Variants in CNTNAP2 observed in about 807,000 individuals in gnomAD.
CNTNAP2 encodes the protein contactin associated protein 2.
A neutral mutation model predicts 155.2 loss-of-function variants in CNTNAP2; 98 were observed. The ratio of observed to expected loss-of-function variants is 0.63; its 90% CI spans 0.54 to 0.75. The LOEUF (loss-of-function observed/expected upper bound fraction) is 0.75. CNTNAP2 is among the 30% of genes least tolerant of loss of function. The pLI, the probability that CNTNAP2 is intolerant of heterozygous loss-of-function variation, is 0.00. For missense variants in CNTNAP2, 1,727 were observed against 1,688.1 expected, an observed-to-expected ratio of 1.02 and a Z score of -0.40; for synonymous variants, 651 against 631.2, an observed-to-expected ratio of 1.03 and a Z score of -0.47.
intron 1 of CNTNAP2, among the ~76,000 whole-genome samples, chr7:146,481,935 A>T (rs1016078017): frequency 1.3e-5 from 2 of 152,196 alleles, no homozygotes; most frequent in Non-Finnish European, 2.9e-5. Flanking sequence ...GTGCCCTCAG[A>T]AGCCTGTCTA....
intron 2 of CNTNAP2, among the ~76,000 whole-genome samples, chr7:146,797,584 G>A (rs1802794455): frequency 6.6e-6 from 1 of 152,288 alleles, no homozygotes; most frequent in African/African-American, 2.4e-5. Context: ...ATGGATTTAA[G>A]TAAAGCAGGG....
intron 1 of CNTNAP2, among the ~76,000 whole-genome samples, chr7:146,588,485 A>G (rs1239461317): frequency 1.3e-5 from 2 of 150,918 alleles, no homozygotes; most frequent in Non-Finnish European, 2.9e-5. Flanking sequence ...AACAAAATAT[A>G]CCACAGGTGT....
chr7:147,017,680 T>C (rs1798748410), intron 3 of CNTNAP2, among the ~76,000 whole-genome samples: 1 of 151,966 alleles, frequency 6.6e-6, no homozygotes, highest in African/African-American at 2.4e-5. Context: ...ACTAAACAAC[T>C]CTTTTTACAA....
Position 148,247,663 on chromosome 7 carries a change from ATTTT to A in CNTNAP2, c.3381+17888_3381+17891del, listed in dbSNP as rs1554407444. On this transcript the variant is annotated intron_variant, in intron 20 of 23. Coordinates refer to ENST00000361727, the MANE Select transcript of CNTNAP2 (RefSeq NM_014141.6). The stretch of plus-strand genomic sequence containing the variant: ...TATTTATTTATTTATTTATTTATTT[ATTTT>A]TTTGGAGATAGAGTCCCACTCTGTC... Among the ~76,000 whole-genome samples, 11 of 105,326 alleles carry A rather than the reference ATTTT, an allele frequency of 1.0e-4. No individual in the cohort carries two copies. The East Asian group carries it at 1.2e-3, about 11-fold the overall frequency. 69.1% of individuals were successfully genotyped at this position (105,326 alleles called of 152,430 possible). A position where few individuals can be genotyped will look rare whatever the true frequency, so the allele number is the denominator to read the frequency against.
At chr7:146,348,096 T>C (rs1794844934) in intron 1 of CNTNAP2, among the ~76,000 whole-genome samples, 1 of 152,108 alleles carries the variant, frequency 6.6e-6, no homozygotes, top group African/African-American at 2.4e-5. Context: ...CACTCTATGA[T>C]ATTATTTTTC....
At chr7:147,247,133 T>C (rs553944946) in intron 8 of CNTNAP2, among the ~76,000 whole-genome samples, 2 of 152,310 alleles carry the variant, frequency 1.3e-5, no homozygotes, top group East Asian at 3.9e-4. Flanking sequence ...ATAATCCAGC[T>C]AGGACATATT....
intron 22 of CNTNAP2, among the ~76,000 whole-genome samples, chr7:148,403,373 T>C (rs1431515534): frequency 6.6e-6 from 1 of 152,114 alleles, no homozygotes; most frequent in East Asian, 1.9e-4. Context: ...CAGACTGGAA[T>C]GGCACCATGC....
intron 1 of CNTNAP2, among the ~76,000 whole-genome samples, chr7:146,387,015 C>T (rs898492419): frequency 1.3e-5 from 2 of 152,142 alleles, no homozygotes; most frequent in African/African-American, 2.4e-5. Flanking sequence ...AAGACACTCT[C>T]ACCCAAAACA....
intron 9 of CNTNAP2, among the ~76,000 whole-genome samples, chr7:147,304,109 A>G (rs1025752076): frequency 8.5e-5 from 13 of 152,164 alleles, no homozygotes; most frequent in African/African-American, 2.6e-4. Context: ...CCAGTGTGCA[A>G]TTTTATCTCT....
At chr7:146,184,899 A>T (rs1366803964) in intron 1 of CNTNAP2, among the ~76,000 whole-genome samples, 2 of 152,144 alleles carry the variant, frequency 1.3e-5, no homozygotes, top group Non-Finnish European at 2.9e-5. Context: ...AAAGTGCTAC[A>T]TTATTTTCTA....
At chr7:146,403,376 T>G (rs1335872875) in intron 1 of CNTNAP2, among the ~76,000 whole-genome samples, 2 of 152,262 alleles carry the variant, frequency 1.3e-5, no homozygotes, top group East Asian at 1.9e-4. Flanking sequence ...TTTATTACAA[T>G]TATGAGACTT....
chr7:147,250,916 C>A (rs942402007), intron 8 of CNTNAP2, among the ~76,000 whole-genome samples: 1 of 152,144 alleles, frequency 6.6e-6, no homozygotes, highest in Non-Finnish European at 1.5e-5. Context: ...CTCATGTTTT[C>A]TCTTGAGCTT....
intron 1 of CNTNAP2, among the ~76,000 whole-genome samples, chr7:146,489,354 C>T (rs1797105293): frequency 6.6e-6 from 1 of 152,044 alleles, no homozygotes; most frequent in Non-Finnish European, 1.5e-5. Context: ...TTGCAAAAAG[C>T]TAATTTAGTT....
At chr7:146,909,018 C>G (rs1045703920) in intron 3 of CNTNAP2, among the ~76,000 whole-genome samples, 1 of 150,778 alleles carries the variant, frequency 6.6e-6, no homozygotes, top group Non-Finnish European at 1.5e-5. Context: ...GAGAATACTA[C>G]AAACACCTCT....
intron 13 of CNTNAP2, among the ~76,000 whole-genome samples, chr7:147,879,913 C>G (rs1351329147): frequency 6.6e-6 from 1 of 152,182 alleles, no homozygotes; most frequent in Non-Finnish European, 1.5e-5. Flanking sequence ...CTTTCCCTAA[C>G]TGTGTATTTC....
At chr7:148,376,018 A>G (rs1798977797) in intron 21 of CNTNAP2, among the ~76,000 whole-genome samples, 1 of 64,542 alleles carries the variant, frequency 1.5e-5, no homozygotes, top group African/African-American at 3.8e-5. Flanking sequence ...AAAGAAAAAA[A>G]GAAACGTGAG....
chr7:148,048,763 G>C (rs1163039646), intron 15 of CNTNAP2, among the ~76,000 whole-genome samples: 1 of 152,202 alleles, frequency 6.6e-6, no homozygotes, highest in Admixed American at 6.5e-5. Context: ...CCAATGGCTG[G>C]AGCTGGTGTT....
chr7:148,053,702 A>G (rs1362054082), intron 15 of CNTNAP2, among the ~76,000 whole-genome samples: 1 of 152,202 alleles, frequency 6.6e-6, no homozygotes, highest in Non-Finnish European at 1.5e-5. Flanking sequence ...TGCTTTTATT[A>G]TTACTTTTTA....
Position 146,816,488 on chromosome 7 carries a change from C to T in CNTNAP2, c.209-23223C>T, listed in dbSNP as rs78083053. 1.9e-3 allele frequency among the ~76,000 whole-genome samples: 283 copies of T among 152,278 alleles called. 3 individuals carry two copies. Among genetic ancestry groups the T allele is most frequent in the Non-Finnish European group, 3.6e-3 (243 of 68,012 alleles). On this transcript the variant is annotated intron_variant, in intron 2 of 23. Coordinates refer to ENST00000361727, the MANE Select transcript of CNTNAP2 (RefSeq NM_014141.6). ...GCCCATGCCGGGAACAGTTGGCCAT[C>T]CCACAGTCTAAGAGAAACTAATGGG...
Sources: allele counts gnomAD v4.1 joint callset (sites outside exome capture counted in the v4.1 genomes callset), GRCh38; gene constraint gnomAD v4.1.1; transcripts MANE v1.5; gene names NCBI Gene and HGNC (gene_info 2026-07-23, HGNC 2026-07-21).